SMG5: variants seen among roughly 807,000 people sequenced by gnomAD.
SMG5 encodes SMG5 nonsense mediated mRNA decay factor, also known as nonsense-mediated mRNA decay factor SMG5.
In SMG5, 53 loss-of-function variants were observed where a neutral mutation model predicts 122.9. That is an observed-to-expected ratio of 0.43 (90% CI 0.35 to 0.54). The LOEUF (loss-of-function observed/expected upper bound fraction) is 0.54, where lower values mean the gene tolerates loss of function less well. SMG5 is among the 20% of genes least tolerant of loss of function. SMG5 has a pLI of 0.01. For synonymous variants in SMG5, 477 were observed against 490.2 expected, an observed-to-expected ratio of 0.97 and a Z score of 0.35; for missense variants, 1,153 against 1,285.6, an observed-to-expected ratio of 0.90 and a Z score of 1.58.
intron 4 of SMG5, among the ~76,000 whole-genome samples, chr1:156,276,610 C>G (rs997750693): frequency 4.6e-5 from 7 of 152,204 alleles, no homozygotes; most frequent in African/African-American, 1.7e-4. Context: ...GAAGAGAAAA[C>G]TTACCAACTA....
chr1:156,272,168 T>C (rs1339909373), intron 7 of SMG5, 152 bp downstream of exon 7: 2 of 683,118 alleles, frequency 2.9e-6, no homozygotes, highest in Admixed American at 5.2e-5. Context: ...AGCAGGGCTG[T>C]GTCAGAGTCC....
At position 156,266,594 on chromosome 1, in the gene SMG5, G is replaced by A. The variant is rs768479127; in HGVS notation, c.1202C>T (p.Ala401Val). ...LVNHVNIRLQ[A>V]ELEEGENPVP... ...GGGATTCTCGCCCTCTTCCAGCTCA[G>A]CCTGCAGCCGTATGTTGACATGATT... The change falls in exon 11 of 22, where the codon GCT becomes GTT. Residue 401 changes from alanine (A) to valine (V), a missense_variant. Coordinates refer to ENST00000361813, the MANE Select transcript of SMG5 (RefSeq NM_015327.3). 6 of 1,614,138 alleles carry A rather than the reference G, an allele frequency of 3.7e-6. No homozygotes were observed. The highest frequency in any genetic ancestry group is 1.7e-4 in the Middle Eastern group (1 of 6,060).
At position 156,278,167 on chromosome 1, in the gene SMG5, A is replaced by C. The variant is rs568013473; in HGVS notation, c.174-119T>G. On this transcript the variant is annotated intron_variant, in intron 2 of 21. Transcript: ENST00000361813. Reference sequence around the variant, plus strand: ...CCAACAAATCTCGGTGCTTCCCAAGAGACATGCAGGGTCAATATGACCCAG... The same window carrying C: ...CCAACAAATCTCGGTGCTTCCCAAGCGACATGCAGGGTCAATATGACCCAG... 2.6e-5 allele frequency: 35 copies of C among 1,329,728 alleles called. 1 individual carries two copies. Among genetic ancestry groups the C allele is most frequent in the Middle Eastern group, 5.2e-4 (2 of 3,864 alleles). 82.4% of individuals were successfully genotyped at this position (1,329,728 alleles called of 1,614,324 possible).
chr1:156,249,343 G>A lies in SMG5; in HGVS notation c.*1244C>T, dbSNP rs1215238381. 4.8e-6 allele frequency: 1 copy of A among 207,818 alleles called. No individual in the cohort carries two copies. The highest frequency in any genetic ancestry group is 5.3e-5 in the Admixed American group (1 of 19,020). 12.9% of individuals were successfully genotyped at this position (207,818 alleles called of 1,614,324 possible). A position where few individuals can be genotyped will look rare whatever the true frequency, so the allele number is the denominator to read the frequency against. On this transcript the variant is annotated 3_prime_UTR_variant, in exon 22 of 22. Coordinates refer to ENST00000361813, the MANE Select transcript of SMG5 (RefSeq NM_015327.3). ...CTTGCTATTTTAGAGGAGAGAGGCAGGAAGCCAACTATCCTCTAAGCCACA... is the reference window on the plus strand; with the variant it reads ...CTTGCTATTTTAGAGGAGAGAGGCAAGAAGCCAACTATCCTCTAAGCCACA...
At position 156,250,661 on chromosome 1, in the gene SMG5, G is replaced by C; in HGVS notation, c.2977C>G (p.Gln993Glu). ...VLSGPMQAAL[Q>E]AAAHASVDIK... Reference sequence around the variant, plus strand: ...TCCACACTGGCGTGGGCAGCGGCCTGCAGGGCTGCCTGTGGAATGGGAGAA... The same window carrying C: ...TCCACACTGGCGTGGGCAGCGGCCTCCAGGGCTGCCTGTGGAATGGGAGAA... The change falls in exon 22 of 22, where the codon CAG (glutamine) becomes GAG (glutamate). Residue 993 changes from glutamine (Q) to glutamate (E), a missense_variant. Transcript: ENST00000361813. The C allele has an allele frequency of 6.2e-7, 1 of 1,614,050 alleles. No individual in the cohort carries two copies. Among genetic ancestry groups the C allele is most frequent in the Non-Finnish European group, 8.5e-7 (1 of 1,179,914 alleles).
rs747179141 is a variant in SMG5 at position 156,267,675 on chromosome 1, G to A, written c.912C>T (p.Ser304=). The change falls in exon 10 of 22, where the codon TCC becomes TCT. Residue 304 remains serine (S), a synonymous_variant. Coordinates refer to ENST00000361813, the MANE Select transcript of SMG5 (RefSeq NM_015327.3). ...LQSLLQPKSS[S]VDSELTSLCQ... ...AAAGTGAGGTCAGCTCTGAGTCCAC[G>A]GAGCTACAGAGGGGCAGGAGTAACA... The A allele has an allele frequency of 6.2e-6, 10 of 1,607,514 alleles. No homozygotes were observed. The highest frequency in any genetic ancestry group is 2.2e-5 in the East Asian group (1 of 44,724).
chr1:156,266,285 G>A lies in SMG5; in HGVS notation c.1351C>T (p.Arg451Cys), dbSNP rs1325455711. ...TPQVGEGRKS[R>C]KFSRLSCLRR... is the part of the protein sequence containing the mutation. ...AGACAGGAGAGGCGAGAGAACTTAC[G>A]GCTCTTTCTGCCCTCACCCACTTGG... The change falls in exon 12 of 22, where the codon CGT becomes TGT. Residue 451 changes from arginine (R) to cysteine (C), a missense_variant. Transcript: ENST00000361813. The A allele has an allele frequency of 6.2e-6, 10 of 1,614,068 alleles. 1 individual carries two copies. The highest frequency in any genetic ancestry group is 2.2e-5 in the South Asian group (2 of 91,086).
At chr1:156,256,927 C>CTT (rs10706859) in intron 16 of SMG5, among the ~76,000 whole-genome samples, 2 of 138,754 alleles carry the variant, frequency 1.4e-5, no homozygotes, top group Admixed American at 7.6e-5. Flanking sequence ...TTTTCTTTTC[C>CTT]TTTTTTTTTT....
chr1:156,256,010 CAGGAAAGAAA>C (rs1661562499), intron 16 of SMG5, among the ~76,000 whole-genome samples: 1 of 152,130 alleles, frequency 6.6e-6, no homozygotes, highest in African/African-American at 2.4e-5. Context: ...AGTGTCACAT[CAGGAAAGAAA>C]AGGAAAAACT....
chr1:156,268,256 G>C, intron 8 of SMG5, 34 bp downstream of exon 8: 1 of 1,614,086 alleles, frequency 6.2e-7, no homozygotes, highest in Non-Finnish European at 8.5e-7. Flanking sequence ...ACCAACTGCA[G>C]AAAAAACCCG....
At chr1:156,260,416 A>T in intron 15 of SMG5, 35 bp downstream of exon 15, 1 of 1,586,012 alleles carries the variant, frequency 6.3e-7, no homozygotes. Flanking sequence ...TGTGACTGAC[A>T]AACAGAGCTG....
chr1:156,269,300 A>G (rs952375724), intron 7 of SMG5, among the ~76,000 whole-genome samples: 1 of 152,032 alleles, frequency 6.6e-6, no homozygotes, highest in African/African-American at 2.4e-5. Context: ...TCTTTTGTAG[A>G]GATGGGGTCT....
rs781430962 is a variant in SMG5, at chr1:156,253,083, TGA to T, written c.2503-7_2503-6del. ...CTCCAGCTGAGACACTTCGAGCTGG[TGA>T]GAGAGGGCAAGGTGGGTACAGCTGT... On this transcript the variant is annotated splice_region_variant and splice_polypyrimidine_tract_variant and intron_variant, in intron 17 of 21. Transcript: ENST00000361813. 15 of 1,596,146 alleles carry T rather than the reference TGA, an allele frequency of 9.4e-6. No homozygotes were observed. The highest frequency in any genetic ancestry group is 1.2e-5 in the Non-Finnish European group (14 of 1,170,822).
chr1:156,250,286 C>T lies in SMG5; in HGVS notation c.*301G>A. The stretch of plus-strand genomic sequence containing the variant: ...CCCATTCCAGTGAAATGCAGGTACC[C>T]ATGCCTACCACCTGCCCCTGGAGAC... On this transcript the variant is annotated 3_prime_UTR_variant, in exon 22 of 22. Transcript: ENST00000361813. 2.3e-6 allele frequency: 1 copy of T among 431,838 alleles called. No homozygotes were observed. Among genetic ancestry groups the T allele is most frequent in the Admixed American group, 3.8e-5 (1 of 26,426 alleles). The allele number at this position is 431,838 out of a possible 1,614,324, so 26.8% of individuals were successfully genotyped here.
intron 1 of SMG5, among the ~76,000 whole-genome samples, chr1:156,279,857 A>G (rs1662852997): frequency 1.3e-5 from 2 of 152,150 alleles, no homozygotes; most frequent in South Asian, 4.1e-4. Context: ...AGTGGTTAAG[A>G]GTGTAGGCAT....
At position 156,266,312 on chromosome 1, in the gene SMG5, G is replaced by A. The variant is rs1315773936; in HGVS notation, c.1324C>T (p.Pro442Ser). ...CTCTTTCTGCCCTCACCCACTTGGG[G>A]TGTTACAGGAGGAGGCTCAGGATCT... is the stretch of plus-strand genomic sequence containing the variant. Reference protein sequence around the residue: ...EPDPEPPPVTPQVGEGRKSRK... With the variant: ...EPDPEPPPVTSQVGEGRKSRK... The change falls in exon 12 of 22, where the codon CCC becomes TCC. Residue 442 changes from proline to serine, a missense_variant. Coordinates refer to ENST00000361813, the MANE Select transcript of SMG5 (RefSeq NM_015327.3). 6.2e-7 allele frequency: 1 copy of A among 1,614,206 alleles called. No homozygotes were observed. Among genetic ancestry groups the A allele is most frequent in the East Asian group, 2.2e-5 (1 of 44,882 alleles).
chr1:156,253,315 G>T, intron 17 of SMG5, 134 bp downstream of exon 17: 1 of 992,064 alleles, frequency 1.0e-6, no homozygotes, highest in Non-Finnish European at 1.6e-6. Context: ...AGTAAGGAGG[G>T]TCATCTGGGA....
intron 7 of SMG5, among the ~76,000 whole-genome samples, chr1:156,271,536 A>G (rs187796750): frequency 6.8e-6 from 1 of 146,344 alleles, no homozygotes; most frequent in East Asian, 2.0e-4. Context: ...CAATACCCTA[A>G]GCTTAATCAA....
rs187360524 is a variant in SMG5 at position 156,280,241 on chromosome 1, A to G, written c.75-1207T>C. Among the ~76,000 whole-genome samples the G allele has an allele frequency of 1.3e-4, 20 of 152,368 alleles. No individual in the cohort carries two copies. The East Asian group carries it at 1.7e-3, about 13-fold the overall frequency. On this transcript the variant is annotated intron_variant, in intron 1 of 21. Coordinates refer to ENST00000361813, the MANE Select transcript of SMG5 (RefSeq NM_015327.3). ...ACCCAGAGGACATCAGGCAGGAGCT[A>G]TAAGAACATGTGAATCAGGCACAAC...
Sources: gnomAD v4.1 joint callset for allele counts (sites outside exome capture counted in the v4.1 genomes callset) on GRCh38, gnomAD v4.1.1 for gene constraint, MANE v1.5 for transcripts, NCBI Gene and HGNC (gene_info 2026-07-23, HGNC 2026-07-21) for gene names.